The following MYO1F variants were observed in gnomAD, a reference collection of about 807,000 sequenced individuals.
MYO1F encodes unconventional myosin-If.
In MYO1F, 60 loss-of-function variants were observed where a neutral mutation model predicts 146.6. The ratio of observed to expected loss-of-function variants is 0.41; its 90% CI spans 0.33 to 0.51. The LOEUF is 0.51. Among genes scored for constraint, MYO1F ranks in the 20% least tolerant of loss-of-function variants. MYO1F has a pLI of 0.25. For synonymous variants in MYO1F, 602 were observed against 602.1 expected (o/e 1.00, Z 0.00); for missense variants, 1,274 against 1,534.3 (o/e 0.83, Z 2.83).
Position 8,536,415 on chromosome 19 carries a change from G to A in MYO1F, c.1899-19C>T. 1 of 1,608,084 alleles carries A rather than the reference G, an allele frequency of 6.2e-7. No individual in the cohort carries two copies. The highest frequency in any genetic ancestry group is 8.5e-7 in the Non-Finnish European group (1 of 1,179,252). ...GGCATACCTGAGGGCGGAGGGCTGG[G>A]GTGTGGGAGTGCTCATAGCAGACAG... is the stretch of plus-strand genomic sequence containing the variant. On this transcript the variant is annotated intron_variant, in intron 18 of 27. Transcript: ENST00000644032.
chr19:8,554,432 G>A, intron 4 of MYO1F, 45 bp downstream of exon 4: 1 of 1,522,606 alleles, frequency 6.6e-7, no homozygotes, highest in Non-Finnish European at 9.1e-7. Context: ...TGTTTCAGCA[G>A]GGGCCCGGGC....
At chr19:8,546,357 CA>C (rs1973356616) in intron 12 of MYO1F, among the ~76,000 whole-genome samples, 1 of 144,974 alleles carries the variant, frequency 6.9e-6, no homozygotes, top group Non-Finnish European at 1.5e-5. Context: ...AGCCACCGCA[CA>C]CAGCTTGCTT....
In MYO1F at chr19:8,553,367, C is replaced by T. The variant is rs368903014; in HGVS notation, c.397G>A (p.Gly133Arg). Residue 133 changes from glycine (G) to arginine (R), a missense_variant, in exon 5 of 28, where the codon GGA becomes AGA. This residue lies in a region of MYO1F where 900 missense variants were observed against 1,155.1 expected (regional missense o/e 0.78). Coordinates refer to ENST00000644032, the MANE Select transcript of MYO1F (RefSeq NM_012335.4). ...CGTCTCACCTGGACCTTCTCGCCTC[C>T]GCCAGACACCTTGGAGATGTAGCCC... ...IMGYISKVSG[G>R]GEKVQHVKDI... 7.2e-5 allele frequency: 117 copies of T among 1,613,926 alleles called. No individual in the cohort carries two copies. The highest frequency in any genetic ancestry group is 8.6e-5 in the Non-Finnish European group (101 of 1,180,018).
intron 3 of MYO1F, 33 bp downstream of exon 3, chr19:8,554,621 G>A (rs1464267259): frequency 1.9e-6 from 3 of 1,612,866 alleles, no homozygotes; most frequent in East Asian, 2.2e-5. Context: ...CAGGAGTCTG[G>A]GGGCTGTGCC....
At chr19:8,543,771 GTGGTGC>G (rs1568348955) in intron 14 of MYO1F, among the ~76,000 whole-genome samples, 1 of 10,528 alleles carries the variant, frequency 9.5e-5, no homozygotes, top group Non-Finnish European at 1.8e-4. Context: ...GGTGGTGCTG[GTGGTGC>G]TGGTGGTGCT....
In MYO1F at chr19:8,552,130, C is replaced by T; in HGVS notation, c.539G>A (p.Gly180Glu). The change falls in exon 7 of 28, where the codon GGG becomes GAG. Residue 180 changes from glycine (G) to glutamate (E), a missense_variant. Gly to Glu is a moderately conservative substitution (Grantham distance 98). Transcript: ENST00000644032. ...GGAGATCTTGCCCCCATCTGGCTCC[C>T]CACCTCGGCTGAACTGGATCTCAAA... ...KYFEIQFSRG[G>E]EPDGGKISNF... 1 of 1,614,146 alleles carries T rather than the reference C, an allele frequency of 6.2e-7. No homozygotes were observed. Among genetic ancestry groups the T allele is most frequent in the Non-Finnish European group, 8.5e-7 (1 of 1,180,026 alleles).
At chr19:8,542,142 G>T (rs1973003095) in intron 14 of MYO1F, 151 bp from the exon 15 acceptor site, 8 of 649,560 alleles carry the variant, frequency 1.2e-5, no homozygotes, top group Middle Eastern at 3.9e-4. Context: ...TGGCTGGGGG[G>T]TATCTACAGT....
Position 8,538,579 on chromosome 19 carries a change from G to T in MYO1F, c.1692+1368C>A, listed in dbSNP as rs180915569. Among the ~76,000 whole-genome samples the T allele has an allele frequency of 7.8e-3, 1,152 of 147,226 alleles. 7 individuals carry two copies. Among genetic ancestry groups the T allele is most frequent in the African/African-American group, 0.028 (1,073 of 38,200 alleles). On this transcript the variant is annotated intron_variant, in intron 16 of 27. Transcript: ENST00000644032. ...TTACAGGTGTGAGCCATTGCTCCCG[G>T]TCTGATTTTTTTTTTTTTTTTTTTT...
chr19:8,574,686 CCTTT>C (rs1288210912), intron 1 of MYO1F, among the ~76,000 whole-genome samples: 2 of 115,720 alleles, frequency 1.7e-5, no homozygotes, highest in Non-Finnish European at 3.7e-5. Context: ...TTTCTTTCTT[CCTTT>C]CTCTTTCTCT....
intron 16 of MYO1F, among the ~76,000 whole-genome samples, chr19:8,539,044 G>A (rs895154656): frequency 1.3e-5 from 2 of 152,156 alleles, no homozygotes; most frequent in Non-Finnish European, 2.9e-5. Flanking sequence ...CCAGCACTTT[G>A]GGAGGCTGAG....
chr19:8,552,825 G>A (rs1027698294), intron 6 of MYO1F, among the ~76,000 whole-genome samples: 2 of 152,102 alleles, frequency 1.3e-5, no homozygotes, highest in Non-Finnish European at 1.5e-5. Context: ...AACTATTGTC[G>A]AAAGAAGGAA....
Position 8,568,436 on chromosome 19 carries a change from A to AAACAAAC in MYO1F, c.3+8870_3+8871insGTTTGTT, listed in dbSNP as rs1371995317. On this transcript the variant is annotated intron_variant, in intron 1 of 27. Coordinates refer to ENST00000644032, the MANE Select transcript of MYO1F (RefSeq NM_012335.4). ...AGACTCCGTCTCAAAAAAAAAAAAA[A>AAACAAAC]AAAAAAAAATTAATCACAGGCTGTT... 1.4e-3 allele frequency among the ~76,000 whole-genome samples: 210 copies of AAACAAAC among 151,260 alleles called. 2 individuals carry two copies. Among genetic ancestry groups the AAACAAAC allele is most frequent in the African/African-American group, 4.7e-3 (192 of 41,132 alleles).
In MYO1F at chr19:8,522,527, C is replaced by T. The variant is rs201982814; in HGVS notation, c.3070G>A (p.Val1024Met). The T allele has an allele frequency of 6.6e-4, 1,066 of 1,612,812 alleles. 4 individuals are homozygous for T. The highest frequency in any genetic ancestry group is 2.3e-3 in the Middle Eastern group (14 of 6,054). ...GMAGMQRKRSVGQRPVPGVGR... is the reference protein window; with the variant it reads ...GMAGMQRKRSMGQRPVPGVGR... Reference sequence around the variant, plus strand: ...ACACCAGGCACTGGCCGTTGCCCCACGCTGCGCTTCCTCTGCATGCTGTGG... The same window carrying T: ...ACACCAGGCACTGGCCGTTGCCCCATGCTGCGCTTCCTCTGCATGCTGTGG... The change falls in exon 27 of 28, where the codon GTG becomes ATG. Residue 1024 changes from valine (V) to methionine (M), a missense_variant. By Grantham distance (21) the Val-to-Met change is conservative (BLOSUM62 1). This residue lies in a region of MYO1F where 374 missense variants were observed against 379.2 expected (regional missense o/e 0.99). Coordinates refer to ENST00000644032, the MANE Select transcript of MYO1F (RefSeq NM_012335.4).
chr19:8,522,791 C>G lies in MYO1F; in HGVS notation c.2893G>C (p.Gly965Arg). 1 of 1,597,686 alleles carries G rather than the reference C, an allele frequency of 6.3e-7. No individual in the cohort carries two copies. The highest frequency in any genetic ancestry group is 8.5e-7 in the Non-Finnish European group (1 of 1,174,270). ...RNGVPPSARG[G>R]PLPLEIMSGG... The stretch of plus-strand genomic sequence containing the variant: ...GACATGATCTCCAGGGGCAGGGGGC[C>G]CCCTCTGGCAGAGGGGGGCACCCCA... Residue 965 changes from glycine to arginine, a missense_variant, in exon 26 of 28, where the codon GGC becomes CGC. Coordinates refer to ENST00000644032, the MANE Select transcript of MYO1F (RefSeq NM_012335.4).
chr19:8,528,901 G>T (rs1455711923), intron 21 of MYO1F, among the ~76,000 whole-genome samples: 1 of 152,058 alleles, frequency 6.6e-6, no homozygotes, highest in Non-Finnish European at 1.5e-5. Context: ...CTGGTAGAAG[G>T]GTGAATGTGC....
At chr19:8,529,138 C>T (rs774634758) in intron 21 of MYO1F, among the ~76,000 whole-genome samples, 11 of 151,942 alleles carry the variant, frequency 7.2e-5, no homozygotes, top group Non-Finnish European at 1.5e-4. Context: ...ATAAACTTGT[C>T]CAAGGTAGGT....
At position 8,548,108 on chromosome 19, in the gene MYO1F, C is replaced by T; in HGVS notation, c.1197G>A (p.Glu399=). The change falls in exon 12 of 28, where the codon GAG becomes GAA. Residue 399 remains glutamate, a synonymous_variant. Transcript: ENST00000644032. ...GFEIFQKNGF[E]QFCINFVNEK... ...CATTGACGAAGTTGATGCAAAACTGCTCGAAGCCATTTTTCTGCAGAAGGA... is the reference window on the plus strand; with the variant it reads ...CATTGACGAAGTTGATGCAAAACTGTTCGAAGCCATTTTTCTGCAGAAGGA... The T allele has an allele frequency of 1.2e-6, 2 of 1,613,920 alleles. No homozygotes were observed. The highest frequency in any genetic ancestry group is 8.5e-7 in the Non-Finnish European group (1 of 1,179,982).
In MYO1F at chr19:8,550,634, C is replaced by A; in HGVS notation, c.832G>T (p.Ala278Ser). The change falls in exon 9 of 28, where the codon GCG becomes TCG. Residue 278 changes from alanine to serine, a missense_variant. Around this residue, in one of 2 missense-constraint regions of MYO1F, gnomAD observed 900 missense variants for 1,155.1 expected, o/e 0.78. Transcript: ENST00000644032. ...SIQQLVLQLV[A>S]GILHLGNISF... ...ATGTTCCCCAGGTGCAAGATCCCCG[C>A]CACGAGCTGCAGGACCAGCTGCTGG... The A allele has an allele frequency of 1.9e-6, 3 of 1,614,168 alleles. No individual in the cohort carries two copies. The highest frequency in any genetic ancestry group is 2.5e-6 in the Non-Finnish European group (3 of 1,180,040).
At chr19:8,552,005 T>G in intron 7 of MYO1F, 28 bp downstream of exon 7, 2 of 1,613,810 alleles carry the variant, frequency 1.2e-6, no homozygotes, top group South Asian at 1.1e-5. Flanking sequence ...CAGGTGGTGC[T>G]CCCTCTCCCC....
Sources: gnomAD v4.1 joint callset for allele counts (sites outside exome capture counted in the v4.1 genomes callset) on GRCh38, gnomAD v4.1.1 for gene constraint, gnomAD v4.1.1 regional missense constraint, MANE v1.5 for transcripts, NCBI Gene and HGNC (gene_info 2026-07-23, HGNC 2026-07-21) for gene names.